The following CDH4 variants were observed in gnomAD, a reference collection of about 807,000 sequenced individuals.
CDH4 encodes the protein cadherin 4, also known as cadherin-4.
In CDH4, 33 loss-of-function variants were observed where a neutral mutation model predicts 86.0. The observed-to-expected ratio is 0.38, with a 90% confidence interval of 0.29 to 0.51. The LOEUF (loss-of-function observed/expected upper bound fraction) is 0.51, where lower values mean the gene tolerates loss of function less well. CDH4 is among the 20% of genes least tolerant of loss of function. The pLI is 0.86. For synonymous variants in CDH4, 555 were observed against 549.4 expected, an observed-to-expected ratio of 1.01 and a Z score of -0.14; for missense variants, 1,114 against 1,307.4, an observed-to-expected ratio of 0.85 and a Z score of 2.28.
rs2055067725 is a variant in CDH4, at chr20:61,928,291, A to G, written c.1873A>G (p.Lys625Glu). ...GCCCAAGGAGGCGCAGATCTGCGAG[A>G]AGCCCAACCTGAACGCCATCAACAT... ...LLPKEAQICE[K>E]PNLNAINITA... The change falls in exon 12 of 16, where the codon AAG becomes GAG. Residue 625 changes from lysine (K) to glutamate (E), a missense_variant. Around this residue, in one of 3 missense-constraint regions of CDH4, gnomAD observed 705 missense variants for 914.1 expected, o/e 0.77. Transcript: ENST00000614565. 1 of 1,610,574 alleles carries G rather than the reference A, an allele frequency of 6.2e-7. No homozygotes were observed. The highest frequency in any genetic ancestry group is 1.1e-5 in the South Asian group (1 of 91,086).
chr20:61,806,949 G>A (rs1475458730), intron 4 of CDH4, among the ~76,000 whole-genome samples: 1 of 152,178 alleles, frequency 6.6e-6, no homozygotes, highest in Non-Finnish European at 1.5e-5. Flanking sequence ...CGTAATGCAC[G>A]GTACAGAGAT....
chr20:61,707,767 C>T (rs753579446), intron 2 of CDH4, among the ~76,000 whole-genome samples: 4 of 152,118 alleles, frequency 2.6e-5, no homozygotes, highest in East Asian at 1.9e-4. Flanking sequence ...ATGAGGAACG[C>T]GCAGCCTAGA....
At chr20:61,839,846 A>G (rs1484046567) in intron 4 of CDH4, among the ~76,000 whole-genome samples, 1 of 147,840 alleles carries the variant, frequency 6.8e-6, no homozygotes, top group Non-Finnish European at 1.5e-5. Flanking sequence ...AGGTATGCGT[A>G]TGTGTATGTG....
At chr20:61,665,903 C>T (rs573629688) in intron 2 of CDH4, among the ~76,000 whole-genome samples, 29 of 152,256 alleles carry the variant, frequency 1.9e-4, no homozygotes, top group Admixed American at 6.5e-4. Context: ...AAAATCGCAG[C>T]GGTGGGACCG....
At chr20:61,642,447 G>A (rs951015239) in intron 2 of CDH4, among the ~76,000 whole-genome samples, 20 of 152,126 alleles carry the variant, frequency 1.3e-4, no homozygotes, top group Non-Finnish European at 2.1e-4. Flanking sequence ...TAAGGGGGAG[G>A]GTTGTTGAAG....
chr20:61,472,809 A>T (rs544941108), intron 2 of CDH4, among the ~76,000 whole-genome samples: 2 of 152,194 alleles, frequency 1.3e-5, no homozygotes, highest in East Asian at 3.8e-4. Flanking sequence ...TGCTGAATGT[A>T]TGTAGAATTT....
At chr20:61,803,197 A>ACG (rs10622443) in intron 4 of CDH4, among the ~76,000 whole-genome samples, 25,198 of 151,876 alleles carry the variant, frequency 0.17, 2,290 homozygotes, top group East Asian at 0.24. Flanking sequence ...GGACGGGCTG[A>ACG]GGTCTTCCTC....
In CDH4 at chr20:61,647,525, T is replaced by TCTCTCTCTCTCTCTCTCTCTCTCTC. The variant is rs1444445171; in HGVS notation, c.170-96038_170-96037insCTCTCTCTCTCTCTCTCTCTCTCTC. On this transcript the variant is annotated intron_variant, in intron 2 of 15. Coordinates refer to ENST00000614565, the MANE Select transcript of CDH4 (RefSeq NM_001794.5). ...AAACACATCAGTATGCACACACATA[T>TCTCTCTCTCTCTCTCTCTCTCTCTC]TCTCTCTCCCTCTCCCTCTCCCTCT... Among the ~76,000 whole-genome samples the TCTCTCTCTCTCTCTCTCTCTCTCTC allele has an allele frequency of 1.1e-4, 8 of 69,850 alleles. 1 individual carries two copies. The highest frequency in any genetic ancestry group is 2.6e-4 in the African/African-American group (5 of 19,040). 45.8% of individuals were successfully genotyped at this position (69,850 alleles called of 152,430 possible).
chr20:61,917,682 C>A (rs2054919253), intron 9 of CDH4, among the ~76,000 whole-genome samples: 2 of 152,266 alleles, frequency 1.3e-5, no homozygotes, highest in South Asian at 4.1e-4. Flanking sequence ...GGAGCTGCTG[C>A]TCAGGCACAC....
At chr20:61,511,777 T>C (rs938131241) in intron 2 of CDH4, among the ~76,000 whole-genome samples, 6 of 152,218 alleles carry the variant, frequency 3.9e-5, no homozygotes, top group African/African-American at 1.4e-4. Flanking sequence ...TGCCTAAGAT[T>C]AAGTCGTCCT....
chr20:61,550,805 A>G (rs981033578), intron 2 of CDH4, among the ~76,000 whole-genome samples: 1 of 152,230 alleles, frequency 6.6e-6, no homozygotes, highest in Non-Finnish European at 1.5e-5. Flanking sequence ...AAGATGGAAC[A>G]GCAATGCTCC....
At chr20:61,469,376 T>G (rs1326095427) in intron 2 of CDH4, among the ~76,000 whole-genome samples, 1 of 152,122 alleles carries the variant, frequency 6.6e-6, no homozygotes, top group Non-Finnish European at 1.5e-5. Flanking sequence ...AAATGTCTAT[T>G]CAGACCTTTG....
intron 2 of CDH4, among the ~76,000 whole-genome samples, chr20:61,360,379 T>C (rs879718974): frequency 6.6e-6 from 1 of 152,214 alleles, no homozygotes; most frequent in African/African-American, 2.4e-5. Context: ...CAGAAGAACA[T>C]TGGAGAGAGC....
At chr20:61,814,189 T>G (rs1478062314) in intron 4 of CDH4, among the ~76,000 whole-genome samples, 4 of 152,148 alleles carry the variant, frequency 2.6e-5, no homozygotes, top group Non-Finnish European at 5.9e-5. Context: ...AAAGGCCCAC[T>G]TTGTAGGCAG....
intron 2 of CDH4, among the ~76,000 whole-genome samples, chr20:61,317,841 T>C (rs1008242079): frequency 6.6e-6 from 1 of 152,164 alleles, no homozygotes; most frequent in Non-Finnish European, 1.5e-5. Flanking sequence ...CAAGGGTGAA[T>C]TTGCACGAGT....
intron 2 of CDH4, among the ~76,000 whole-genome samples, chr20:61,266,767 G>A (rs1380270412): frequency 6.6e-6 from 1 of 152,076 alleles, no homozygotes; most frequent in East Asian, 1.9e-4. Context: ...AAACTCGCCA[G>A]CCCCGTGGGT....
intron 2 of CDH4, among the ~76,000 whole-genome samples, chr20:61,636,143 G>GC (rs1240094586): frequency 3.9e-5 from 6 of 152,208 alleles, no homozygotes; most frequent in African/African-American, 1.4e-4. Context: ...CAGAAAGCTT[G>GC]CCCCGCCCTT....
At chr20:61,903,016 C>CAAAAA (rs58490650) in intron 8 of CDH4, among the ~76,000 whole-genome samples, 1 of 83,104 alleles carries the variant, frequency 1.2e-5, no homozygotes, top group African/African-American at 4.4e-5. Context: ...AAGACTGTCT[C>CAAAAA]AAAAAAAAAA....
intron 2 of CDH4, among the ~76,000 whole-genome samples, chr20:61,561,390 G>A (rs1337735550): frequency 5.3e-5 from 8 of 152,236 alleles, no homozygotes; most frequent in East Asian, 1.9e-4. Context: ...GCTAGAGCAC[G>A]AGCAGTGGGT....
Sources: allele counts gnomAD v4.1 joint callset (sites outside exome capture counted in the v4.1 genomes callset), GRCh38; gene constraint gnomAD v4.1.1; regional missense constraint gnomAD v4.1.1; transcripts MANE v1.5; gene names NCBI Gene and HGNC (gene_info 2026-07-23, HGNC 2026-07-21).